The following CACNA2D1 variants were observed in gnomAD, a reference collection of about 807,000 sequenced individuals.
The protein encoded by CACNA2D1 is calcium voltage-gated channel auxiliary subunit alpha2delta 1.
In CACNA2D1, 53 loss-of-function variants were observed where a neutral mutation model predicts 171.5. The observed-to-expected ratio is 0.31, with a 90% CI of 0.25 to 0.39. The LOEUF (loss-of-function observed/expected upper bound fraction) is 0.39, where lower values mean the gene tolerates loss of function less well. Ranked by LOEUF, CACNA2D1 falls within the 10% of genes least tolerant of loss-of-function variation. CACNA2D1 has a pLI of 1.00. For missense variants in CACNA2D1, 903 were observed against 1,299.8 expected, an observed-to-expected ratio of 0.69 and a Z score of 4.69; for synonymous variants, 442 against 443.1, an observed-to-expected ratio of 1.00 and a Z score of 0.03.
chr7:82,197,067 G>C (rs1296224760), intron 3 of CACNA2D1, among the ~76,000 whole-genome samples: 2 of 151,830 alleles, frequency 1.3e-5, no homozygotes, highest in African/African-American at 4.8e-5. Flanking sequence ...GCTAGTTTAA[G>C]CATGTTGCTA....
In CACNA2D1 at chr7:82,196,669, A is replaced by G. The variant is rs1257600033; in HGVS notation, c.295-26060T>C. ...GGAGCAAAGTCATTAGAGAGTAAGGAAAAAGACTGAAATAACAAGAGAAGA... is the reference window on the plus strand; with the variant it reads ...GGAGCAAAGTCATTAGAGAGTAAGGGAAAAGACTGAAATAACAAGAGAAGA... On this transcript the variant is annotated intron_variant, in intron 3 of 38. Transcript: ENST00000356860. Among the ~76,000 whole-genome samples, 6 of 152,118 alleles carry G rather than the reference A, an allele frequency of 3.9e-5. No homozygotes were observed. In the East Asian group the frequency reaches 1.2e-3, roughly 29 times the overall value.
At chr7:82,222,805 T>A (rs1255474003) in intron 3 of CACNA2D1, among the ~76,000 whole-genome samples, 1 of 152,126 alleles carries the variant, frequency 6.6e-6, no homozygotes, top group Non-Finnish European at 1.5e-5. Context: ...ATAATTATAA[T>A]AATTGTTTCT....
At chr7:82,359,485 T>C (rs1460196151) in intron 1 of CACNA2D1, among the ~76,000 whole-genome samples, 1 of 152,160 alleles carries the variant, frequency 6.6e-6, no homozygotes, top group South Asian at 2.1e-4. Flanking sequence ...TATAGATCAG[T>C]ATCTCCAGTC....
chr7:82,401,959 ATTTTAGAGAGGTAGACAGGGTTTAGTTTC>A (rs1826478462), intron 1 of CACNA2D1, among the ~76,000 whole-genome samples: 1 of 152,228 alleles, frequency 6.6e-6, no homozygotes, highest in African/African-American at 2.4e-5. Context: ...CAGAGTTGTA[ATTTTAGAGAGGTAGACAGGGTTTAGTTTC>A]TTTTTTCACA....
At chr7:82,393,296 C>T (rs1316741922) in intron 1 of CACNA2D1, among the ~76,000 whole-genome samples, 3 of 152,064 alleles carry the variant, frequency 2.0e-5, no homozygotes, top group Non-Finnish European at 1.5e-5. Context: ...AATAGGGAAA[C>T]ATTGACCTCT....
intron 4 of CACNA2D1, among the ~76,000 whole-genome samples, chr7:82,138,647 T>C (rs1015503827): frequency 9.9e-5 from 15 of 151,920 alleles, no homozygotes; most frequent in African/African-American, 3.6e-4. Context: ...GGGGTTTTAC[T>C]GTGTTAGCCA....
chr7:82,261,114 C>A (rs1293041666), intron 3 of CACNA2D1, among the ~76,000 whole-genome samples: 3 of 152,102 alleles, frequency 2.0e-5, no homozygotes, highest in African/African-American at 7.2e-5. Flanking sequence ...ACCAGCACGC[C>A]CGGCTAAATT....
intron 6 of CACNA2D1, 124 bp from the exon 7 acceptor site, chr7:82,085,024 A>T: frequency 1.1e-6 from 1 of 874,562 alleles, no homozygotes; most frequent in Non-Finnish European, 1.8e-6. Context: ...ACTCTAATCC[A>T]GTAGTTATCA....
chr7:82,043,516 C>T (rs1366516973), intron 10 of CACNA2D1, among the ~76,000 whole-genome samples: 1 of 152,128 alleles, frequency 6.6e-6, no homozygotes, highest in Non-Finnish European at 1.5e-5. Context: ...GAAACAGTTT[C>T]TGATAAAACT....
At chr7:82,324,315 G>T (rs144257893) in intron 3 of CACNA2D1, among the ~76,000 whole-genome samples, 1 of 146,484 alleles carries the variant, frequency 6.8e-6, no homozygotes, top group Admixed American at 7.0e-5. Context: ...CCAAGATCGC[G>T]CCATTACACT....
intron 2 of CACNA2D1, among the ~76,000 whole-genome samples, chr7:82,343,428 T>C (rs931043453): frequency 2.6e-5 from 4 of 152,344 alleles, no homozygotes; most frequent in Admixed American, 2.6e-4. Context: ...ATTTTCTCCA[T>C]GTTATACATA....
intron 3 of CACNA2D1, among the ~76,000 whole-genome samples, chr7:82,277,366 T>C (rs1563298370): frequency 6.6e-6 from 1 of 152,098 alleles, no homozygotes; most frequent in African/African-American, 2.4e-5. Flanking sequence ...CACGCCCAGA[T>C]AATTTTTGAA....
intron 1 of CACNA2D1, among the ~76,000 whole-genome samples, chr7:82,438,436 C>T (rs904008657): frequency 3.9e-5 from 6 of 152,094 alleles, no homozygotes; most frequent in Non-Finnish European, 7.4e-5. Context: ...ATTTTGGACT[C>T]TCAAGGAAAA....
chr7:82,002,323 C>T (rs1798698452), intron 18 of CACNA2D1, among the ~76,000 whole-genome samples: 1 of 152,124 alleles, frequency 6.6e-6, no homozygotes, highest in African/African-American at 2.4e-5. Context: ...CAAGCCCTTA[C>T]AGAACACCAA....
chr7:82,066,343 C>T, intron 8 of CACNA2D1, 112 bp downstream of exon 8: 1 of 1,360,696 alleles, frequency 7.3e-7, no homozygotes, highest in Non-Finnish European at 1.0e-6. Context: ...AAAATCAGAT[C>T]ACTTTCAATA....
chr7:82,263,295 G>C (rs1807379974), intron 3 of CACNA2D1, among the ~76,000 whole-genome samples: 1 of 151,800 alleles, frequency 6.6e-6, no homozygotes, highest in South Asian at 2.1e-4. Flanking sequence ...ATTTTTAGTA[G>C]AGATGGGGTT....
chr7:82,060,152 A>ATT (rs1185558379), intron 10 of CACNA2D1, among the ~76,000 whole-genome samples: 4 of 58,108 alleles, frequency 6.9e-5, no homozygotes, highest in African/African-American at 1.9e-4. Flanking sequence ...ATATATATGT[A>ATT]TTATATATAT....
chr7:82,309,861 G>A (rs1306938784), intron 3 of CACNA2D1, among the ~76,000 whole-genome samples: 1 of 152,138 alleles, frequency 6.6e-6, no homozygotes, highest in Non-Finnish European at 1.5e-5. Context: ...TGAGTACTCA[G>A]AACCCAGGGC....
At chr7:81,998,876 T>C (rs906827360) in intron 18 of CACNA2D1, among the ~76,000 whole-genome samples, 2 of 152,060 alleles carry the variant, frequency 1.3e-5, no homozygotes. Context: ...GTTTAAAAAA[T>C]GAAACCTAGA....
Sources: allele counts gnomAD v4.1 joint callset (sites outside exome capture counted in the v4.1 genomes callset), GRCh38; gene constraint gnomAD v4.1.1; transcripts MANE v1.5; gene names NCBI Gene and HGNC (gene_info 2026-07-23, HGNC 2026-07-21).